EDN1: variants seen among roughly 807,000 people sequenced by gnomAD.
The protein encoded by EDN1 is endothelin-1.
EDN1 carries 11 observed loss-of-function variants against 21.7 expected under a neutral mutation model. The ratio of observed to expected loss-of-function variants is 0.51; its 90% CI spans 0.32 to 0.84. The LOEUF is 0.84. Among genes scored for constraint, EDN1 ranks in the 40% least tolerant of loss-of-function variants. The pLI is 0.03. For synonymous variants in EDN1, 85 were observed against 90.6 expected (o/e 0.94, Z 0.35); for missense variants, 244 against 262.3 (o/e 0.93, Z 0.48).
chr6:12,254,548 CA>C, the EDN1 span, among the ~76,000 whole-genome samples: 57 of 152,038 alleles, frequency 3.7e-4, no homozygotes, highest in Non-Finnish European at 6.5e-4. Context: ...AAGATCTATC[CA>C]GAAGGGGTTT....
In EDN1 at chr6:12,292,501, C is replaced by G. The variant is rs565425223; in HGVS notation, c.225C>G (p.Asn75Lys). 1 of 1,614,222 alleles carries G rather than the reference C, an allele frequency of 6.2e-7. No homozygotes were observed. Among genetic ancestry groups the G allele is most frequent in the Non-Finnish European group, 8.5e-7 (1 of 1,180,038 alleles). The change falls in exon 2 of 5, where the codon AAC becomes AAG. Residue 75 changes from asparagine (N) to lysine (K), a missense_variant. By Grantham distance (94) the Asn-to-Lys change is moderately conservative. Coordinates refer to ENST00000379375, the MANE Select transcript of EDN1 (RefSeq NM_001955.5). ...GCCACCTGGACATCATTTGGGTCAA[C>G]ACTCCCGAGTAAGTCTCTAGAGGGC... ...YFCHLDIIWV[N>K]TPEHVVPYGL...
the EDN1 span, among the ~76,000 whole-genome samples, chr6:12,244,977 T>C: frequency 6.6e-6 from 1 of 152,234 alleles, no homozygotes; most frequent in South Asian, 2.1e-4. Flanking sequence ...AGCAAAATGT[T>C]ACAAAAGATT....
the EDN1 span, among the ~76,000 whole-genome samples, chr6:12,256,244 T>A: frequency 6.6e-6 from 1 of 152,156 alleles, no homozygotes; most frequent in African/African-American, 2.4e-5. Flanking sequence ...TCCCAGCTAC[T>A]TGGGAGGCTG....
intron 4 of EDN1, 27 bp downstream of exon 4, chr6:12,294,431 T>C: frequency 2.5e-6 from 4 of 1,613,492 alleles, no homozygotes; most frequent in Non-Finnish European, 3.4e-6. Flanking sequence ...AAAAATTAGG[T>C]AAGAGGTTCA....
chr6:12,252,254 G>A, the EDN1 span, among the ~76,000 whole-genome samples: 1 of 152,142 alleles, frequency 6.6e-6, no homozygotes, highest in Non-Finnish European at 1.5e-5. Context: ...ATAAATCATT[G>A]CTGCTGAAGT....
chr6:12,295,728 C>A (rs1334970785), intron 4 of EDN1, among the ~76,000 whole-genome samples: 1 of 152,076 alleles, frequency 6.6e-6, no homozygotes, highest in Non-Finnish European at 1.5e-5. Flanking sequence ...TGCCCACTTC[C>A]CCTTAGACTT....
the EDN1 span, among the ~76,000 whole-genome samples, chr6:12,237,143 A>G: frequency 6.6e-6 from 1 of 152,040 alleles, no homozygotes; most frequent in African/African-American, 2.4e-5. Flanking sequence ...CCATGTCCCT[A>G]CAAAGGACAT....
At chr6:12,253,378 C>A in the EDN1 span, among the ~76,000 whole-genome samples, 1 of 152,062 alleles carries the variant, frequency 6.6e-6, no homozygotes. Context: ...AAGCAGAATG[C>A]AAAGTCTGCC....
Position 12,296,187 on chromosome 6 carries a change from A to G in EDN1, c.*120A>G. On this transcript the variant is annotated 3_prime_UTR_variant, in exon 5 of 5. Transcript: ENST00000379375. ...ATCCTCTGCTGGTTCCTGACTGGCA[A>G]AGGACCAGCGTCCTCGTTCAAAACA... The G allele has an allele frequency of 1.1e-6, 1 of 900,470 alleles. No homozygotes were observed. The highest frequency in any genetic ancestry group is 1.8e-5 in the Admixed American group (1 of 56,762). The allele number at this position is 900,470 out of a possible 1,614,324, so 55.8% of individuals were successfully genotyped here.
chr6:12,238,293 C>T, the EDN1 span, among the ~76,000 whole-genome samples: 5 of 152,050 alleles, frequency 3.3e-5, no homozygotes, highest in African/African-American at 2.4e-5. Flanking sequence ...GTAGGCGTTC[C>T]TCTGGGGTGT....
chr6:12,246,556 G>A, the EDN1 span, among the ~76,000 whole-genome samples: 1 of 152,074 alleles, frequency 6.6e-6, no homozygotes, highest in Non-Finnish European at 1.5e-5. Flanking sequence ...TGCTGCTTGG[G>A]GTTAGTGTAA....
chr6:12,295,661 G>C (rs916142607), intron 4 of EDN1, among the ~76,000 whole-genome samples: 2 of 152,090 alleles, frequency 1.3e-5, no homozygotes. Context: ...ATGAAGGTTG[G>C]GATGGGGCTA....
chr6:12,247,521 T>C, the EDN1 span, among the ~76,000 whole-genome samples: 61 of 141,416 alleles, frequency 4.3e-4, no homozygotes, highest in African/African-American at 1.7e-3. Context: ...GATTTCTTTT[T>C]TTTTTTCTTT....
At chr6:12,266,796 G>A in the EDN1 span, among the ~76,000 whole-genome samples, 1 of 152,158 alleles carries the variant, frequency 6.6e-6, no homozygotes, top group Non-Finnish European at 1.5e-5. Flanking sequence ...CAAACCACAG[G>A]AAGGTATTAT....
chr6:12,282,249 C>T, the EDN1 span, among the ~76,000 whole-genome samples: 20 of 152,110 alleles, frequency 1.3e-4, no homozygotes, highest in South Asian at 3.7e-3. Flanking sequence ...GGTCATTAGT[C>T]CAAAAAGATA....
the EDN1 span, among the ~76,000 whole-genome samples, chr6:12,271,752 G>A: frequency 9.0e-4 from 137 of 152,272 alleles, 1 homozygote; most frequent in East Asian, 0.018. Flanking sequence ...TTGTAAGGCT[G>A]GTCTAGCGGT....
the EDN1 span, among the ~76,000 whole-genome samples, chr6:12,263,514 C>G: frequency 6.6e-6 from 1 of 152,194 alleles, no homozygotes; most frequent in Admixed American, 6.5e-5. Context: ...TTGACATAAA[C>G]TAGCCCCACC....
rs1049339632 is a variant in EDN1, at chr6:12,292,269, T to G, written c.65-72T>G. ...TTTTATCTGCTCTGCTAGCTCTGAC[T>G]CTACTGTGATCCAGCATGTCTCTCG... is the stretch of plus-strand genomic sequence containing the variant. On this transcript the variant is annotated intron_variant, in intron 1 of 4. Coordinates refer to ENST00000379375, the MANE Select transcript of EDN1 (RefSeq NM_001955.5). The G allele has an allele frequency of 2.5e-6, 4 of 1,599,366 alleles. No homozygotes were observed. The East Asian group carries it at 6.7e-5, about 27-fold the overall frequency.
the EDN1 span, among the ~76,000 whole-genome samples, chr6:12,267,972 C>G: frequency 6.6e-6 from 1 of 152,176 alleles, no homozygotes; most frequent in Non-Finnish European, 1.5e-5. Flanking sequence ...AATGGAACAA[C>G]AAAGCCTGGA....
Sources: gnomAD v4.1 joint callset for allele counts (sites outside exome capture counted in the v4.1 genomes callset) on GRCh38, gnomAD v4.1.1 for gene constraint, MANE v1.5 for transcripts, NCBI Gene and HGNC (gene_info 2026-07-23, HGNC 2026-07-21) for gene names.